The following CNTNAP2 variants were observed in gnomAD, a reference collection of about 807,000 sequenced individuals.
CNTNAP2 encodes contactin-associated protein-like 2.
In CNTNAP2, 98 loss-of-function variants were observed where a neutral mutation model predicts 155.2. The ratio of observed to expected loss-of-function variants is 0.63; its 90% CI spans 0.54 to 0.75. CNTNAP2 has a LOEUF of 0.75. CNTNAP2 is among the 30% of genes least tolerant of loss of function. The pLI, the probability that CNTNAP2 is intolerant of heterozygous loss-of-function variation, is 0.00. For synonymous variants in CNTNAP2, 651 were observed against 631.2 expected (o/e 1.03, Z -0.47); for missense variants, 1,727 against 1,688.1 (o/e 1.02, Z -0.40).
intron 11 of CNTNAP2, among the ~76,000 whole-genome samples, chr7:147,504,566 G>A (rs904600521): frequency 5.3e-5 from 8 of 151,524 alleles, no homozygotes; most frequent in Admixed American, 4.0e-4. Flanking sequence ...TTACGTGCCT[G>A]TAATCCCAAA....
At chr7:146,760,408 C>CTTTTTTTTTTTTTTTTTTTTTTTTT (rs1284570579) in intron 1 of CNTNAP2, among the ~76,000 whole-genome samples, 1 of 78,868 alleles carries the variant, frequency 1.3e-5, no homozygotes, top group Non-Finnish European at 2.3e-5. Flanking sequence ...CTCCAATTTA[C>CTTTTTTTTTTTTTTTTTTTTTTTTT]CTTTTTTTTT....
intron 13 of CNTNAP2, among the ~76,000 whole-genome samples, chr7:147,761,627 G>C (rs1331716595): frequency 6.6e-6 from 1 of 152,136 alleles, no homozygotes; most frequent in South Asian, 2.1e-4. Context: ...TGCTGTACTC[G>C]AGGAGGATAT....
At chr7:146,324,346 T>C (rs534165173) in intron 1 of CNTNAP2, among the ~76,000 whole-genome samples, 1 of 152,208 alleles carries the variant, frequency 6.6e-6, no homozygotes, top group South Asian at 2.1e-4. Context: ...AGAGTTATCA[T>C]GGGGTATTGT....
rs986958157 is a variant in CNTNAP2, at chr7:148,416,825, G to A, written c.*1209G>A. On this transcript the variant is annotated 3_prime_UTR_variant, in exon 24 of 24. Coordinates refer to ENST00000361727, the MANE Select transcript of CNTNAP2 (RefSeq NM_014141.6). ...TAAGACGGACACATTTGAACCTCAG[G>A]TTCATCACAAACCTGGTACCTGTTG... is the stretch of plus-strand genomic sequence containing the variant. 5.9e-5 allele frequency: 9 copies of A among 152,618 alleles called. No individual in the cohort carries two copies. The highest frequency in any genetic ancestry group is 2.2e-4 in the African/African-American group (9 of 41,440). The allele number at this position is 152,618 out of a possible 1,614,324, so 9.5% of individuals were successfully genotyped here.
chr7:147,707,165 T>A (rs1279903910), intron 13 of CNTNAP2, among the ~76,000 whole-genome samples: 1 of 152,128 alleles, frequency 6.6e-6, no homozygotes, highest in Non-Finnish European at 1.5e-5. Context: ...AATTCTTGTG[T>A]TTCTTTGAAA....
intron 21 of CNTNAP2, among the ~76,000 whole-genome samples, chr7:148,383,400 T>C (rs1224293787): frequency 6.6e-6 from 1 of 152,190 alleles, no homozygotes; most frequent in Non-Finnish European, 1.5e-5. Flanking sequence ...CAGAAGGTAC[T>C]GAGAAATGTA....
chr7:146,396,867 A>G (rs906295237), intron 1 of CNTNAP2, among the ~76,000 whole-genome samples: 1 of 152,090 alleles, frequency 6.6e-6, no homozygotes, highest in Non-Finnish European at 1.5e-5. Context: ...AGATAACAAT[A>G]ATACTTAACT....
At chr7:148,332,465 G>A (rs901481656) in intron 21 of CNTNAP2, among the ~76,000 whole-genome samples, 11 of 152,062 alleles carry the variant, frequency 7.2e-5, no homozygotes, top group South Asian at 2.1e-4. Flanking sequence ...GGCCTCCAGC[G>A]TTTTGAGAAA....
intron 13 of CNTNAP2, among the ~76,000 whole-genome samples, chr7:147,771,163 A>T (rs1427057019): frequency 6.6e-6 from 1 of 152,230 alleles, no homozygotes; most frequent in African/African-American, 2.4e-5. Context: ...AAAAAATGAA[A>T]TTGGCCTGTT....
intron 10 of CNTNAP2, among the ~76,000 whole-genome samples, chr7:147,410,822 G>A (rs1440942988): frequency 6.6e-6 from 1 of 152,010 alleles, no homozygotes; most frequent in Non-Finnish European, 1.5e-5. Context: ...TAATATTATT[G>A]TCACCTCCAT....
chr7:148,029,562 A>T (rs1016141210), intron 15 of CNTNAP2, among the ~76,000 whole-genome samples: 1 of 152,226 alleles, frequency 6.6e-6, no homozygotes, highest in Non-Finnish European at 1.5e-5. Flanking sequence ...CTATATAAAC[A>T]CATTCTGAAA....
chr7:146,598,840 A>G (rs896191943), intron 1 of CNTNAP2, among the ~76,000 whole-genome samples: 4 of 152,072 alleles, frequency 2.6e-5, no homozygotes, highest in African/African-American at 9.7e-5. Flanking sequence ...ACTGTTTCCC[A>G]AACTCCACAT....
chr7:146,368,245 C>G (rs1240329457), intron 1 of CNTNAP2, among the ~76,000 whole-genome samples: 1 of 152,060 alleles, frequency 6.6e-6, no homozygotes, highest in East Asian at 1.9e-4. Flanking sequence ...TAGATGTCTC[C>G]AAGGAGTAAG....
intron 14 of CNTNAP2, among the ~76,000 whole-genome samples, chr7:147,944,590 G>A (rs1800787622): frequency 6.6e-6 from 1 of 152,212 alleles, no homozygotes; most frequent in African/African-American, 2.4e-5. Flanking sequence ...TGTTTCGCCA[G>A]TATTTTTACA....
At chr7:147,586,718 C>A (rs1475580253) in intron 12 of CNTNAP2, among the ~76,000 whole-genome samples, 1 of 152,116 alleles carries the variant, frequency 6.6e-6, no homozygotes, top group East Asian at 1.9e-4. Context: ...TTGTTCCTTG[C>A]ACAAGGGCAG....
intron 2 of CNTNAP2, among the ~76,000 whole-genome samples, chr7:146,811,700 A>G (rs1803069566): frequency 6.6e-6 from 1 of 152,108 alleles, no homozygotes; most frequent in Non-Finnish European, 1.5e-5. Flanking sequence ...TCTGCACCCA[A>G]ATCCTATCTT....
At chr7:147,410,351 A>G (rs1797082326) in intron 10 of CNTNAP2, among the ~76,000 whole-genome samples, 1 of 152,188 alleles carries the variant, frequency 6.6e-6, no homozygotes, top group Non-Finnish European at 1.5e-5. Flanking sequence ...GAACACATGG[A>G]CACATAGAGG....
intron 3 of CNTNAP2, among the ~76,000 whole-genome samples, chr7:146,896,897 A>T (rs1435893317): frequency 6.6e-6 from 1 of 152,070 alleles, no homozygotes; most frequent in African/African-American, 2.4e-5. Context: ...TAATGAGGGA[A>T]ATTTTAAGAT....
intron 8 of CNTNAP2, among the ~76,000 whole-genome samples, chr7:147,144,502 C>G (rs1801661502): frequency 6.6e-6 from 1 of 152,190 alleles, no homozygotes; most frequent in Non-Finnish European, 1.5e-5. Flanking sequence ...AATGTGAAAT[C>G]TGGATCACAT....
Sources: allele counts gnomAD v4.1 joint callset (sites outside exome capture counted in the v4.1 genomes callset), GRCh38; gene constraint gnomAD v4.1.1; transcripts MANE v1.5; gene names NCBI Gene and HGNC (gene_info 2026-07-23, HGNC 2026-07-21).